Variants in SEC14L1 observed in about 807,000 individuals in gnomAD.
The protein encoded by SEC14L1 is SEC14 like lipid binding 1.
Under a neutral mutation model 85.3 loss-of-function variants are expected in SEC14L1, and 48 were observed. That is an observed-to-expected ratio of 0.56 (90% CI 0.45 to 0.72). The LOEUF (loss-of-function observed/expected upper bound fraction) is 0.72. SEC14L1 is among the 30% of genes least tolerant of loss of function. SEC14L1 has a pLI of 0.00. For missense variants in SEC14L1, 682 were observed against 921.4 expected, an observed-to-expected ratio of 0.74 and a Z score of 3.36; for synonymous variants, 391 against 355.5, an observed-to-expected ratio of 1.10 and a Z score of -1.12.
At chr17:77,195,909 CATT>C (rs1450282332) in intron 7 of SEC14L1, among the ~76,000 whole-genome samples, 1 of 152,008 alleles carries the variant, frequency 6.6e-6, no homozygotes, top group East Asian at 1.9e-4. Flanking sequence ...TTAAAACAGT[CATT>C]AATATCTATT....
At position 77,209,444 on chromosome 17, in the gene SEC14L1, T is replaced by A. The variant is rs1462569903; in HGVS notation, c.1579T>A (p.Ser527Thr). 38 of 1,614,058 alleles carry A rather than the reference T, an allele frequency of 2.4e-5. No homozygotes were observed. Among genetic ancestry groups the A allele is most frequent in the Non-Finnish European group, 3.2e-5 (38 of 1,180,032 alleles). ...GCTCTGGACTGAGACCATCTACCAG[T>A]CTGCAAGCGTCTTCAAAGGAGCCCC... ...LKLWTETIYQ[S>T]ASVFKGAPHE... is the part of the protein sequence containing the mutation. Residue 527 changes from serine (S) to threonine (T), a missense_variant, in exon 14 of 17, where the codon TCT (serine) becomes ACT (threonine). Physicochemically the swap from Ser to Thr is moderately conservative, Grantham distance 58. Transcript: ENST00000436233.
intron 3 of SEC14L1, among the ~76,000 whole-genome samples, chr17:77,096,055 C>A (rs868552300): frequency 1.6e-5 from 2 of 124,238 alleles, no homozygotes; most frequent in African/African-American, 3.0e-5. Context: ...TGCAGTCAGT[C>A]TTTTTTTTTT....
At chr17:77,105,380 C>CT (rs1330927760) in intron 3 of SEC14L1, among the ~76,000 whole-genome samples, 1 of 109,714 alleles carries the variant, frequency 9.1e-6, no homozygotes, top group Non-Finnish European at 1.8e-5. Context: ...ACCACCCCCC[C>CT]CCCCACCCCA....
intron 3 of SEC14L1, among the ~76,000 whole-genome samples, chr17:77,096,527 A>G (rs138645821): frequency 0.029 from 4,377 of 150,226 alleles, 73 homozygotes; most frequent in Non-Finnish European, 0.033. Context: ...ACTACACTCC[A>G]GCCTGGGTGA....
chr17:77,163,600 T>C (rs1974160780), intron 3 of SEC14L1, among the ~76,000 whole-genome samples: 1 of 152,372 alleles, frequency 6.6e-6, no homozygotes, highest in East Asian at 1.9e-4. Context: ...CTCAGACTTT[T>C]CTGAGCCTGT....
Position 77,124,985 on chromosome 17 carries a change from ATTATTATTATTATTT to A in SEC14L1, c.-135-17647_-135-17633del, listed in dbSNP as rs200723830. The stretch of plus-strand genomic sequence containing the variant: ...AATAAGTGGATTTACTATTATTATT[ATTATTATTATTATTT>A]TTATTATTATTATATATTTTTTGAG... On this transcript the variant is annotated intron_variant, in intron 3 of 19. Transcript: ENST00000392476. Among the ~76,000 whole-genome samples, 393 of 81,688 alleles carry A rather than the reference ATTATTATTATTATTT, an allele frequency of 4.8e-3. 1 individual carries two copies. The highest frequency in any genetic ancestry group is 0.022 in the South Asian group (63 of 2,816). 53.6% of individuals were successfully genotyped at this position (81,688 alleles called of 152,430 possible).
chr17:77,176,044 C>A (rs1303723558), intron 3 of SEC14L1, among the ~76,000 whole-genome samples: 1 of 152,080 alleles, frequency 6.6e-6, no homozygotes, highest in East Asian at 1.9e-4. Context: ...AATCCCAGCA[C>A]TTTGGGAGGC....
chr17:77,154,746 G>C (rs1327831565), intron 3 of SEC14L1, among the ~76,000 whole-genome samples: 1 of 151,544 alleles, frequency 6.6e-6, no homozygotes, highest in Non-Finnish European at 1.5e-5. Flanking sequence ...TTTCCATTCA[G>C]ACATCTGCCC....
At chr17:77,207,088 C>G (rs1254794) in intron 13 of SEC14L1, among the ~76,000 whole-genome samples, 54,565 of 152,058 alleles carry the variant, frequency 0.36, 10,033 homozygotes, top group South Asian at 0.43. Flanking sequence ...AATGAGAATT[C>G]GTAGAATCAA....
Position 77,215,417 on chromosome 17 carries a change from C to T in SEC14L1, c.*1394C>T, listed in dbSNP as rs922018195. ...ACCCCACGCGGCTGTCAACTGTGTG[C>T]GTGGTAGGCATGGAGATCCTGGTTG... On this transcript the variant is annotated 3_prime_UTR_variant, in exon 17 of 17. Transcript: ENST00000436233. 9 of 985,466 alleles carry T rather than the reference C, an allele frequency of 9.1e-6. No homozygotes were observed. Among genetic ancestry groups the T allele is most frequent in the African/African-American group, 1.7e-5 (1 of 57,306 alleles). The allele number at this position is 985,466 out of a possible 1,614,324, so 61.0% of individuals were successfully genotyped here.
At position 77,216,652 on chromosome 17, in the gene SEC14L1, C is replaced by T. The variant is rs192791483; in HGVS notation, c.*2629C>T. 5.0e-6 allele frequency: 8 copies of T among 1,607,426 alleles called. No homozygotes were observed. The highest frequency in any genetic ancestry group is 1.7e-5 in the Admixed American group (1 of 59,692). On this transcript the variant is annotated 3_prime_UTR_variant, in exon 17 of 17. Transcript: ENST00000436233. ...TTTGAATTGCAGCCATCCCCTGCCC[C>T]CTCCCAGGCTGAAGATCTGTTCTTT...
chr17:77,173,687 T>G (rs1255848767), intron 3 of SEC14L1, among the ~76,000 whole-genome samples: 4 of 152,236 alleles, frequency 2.6e-5, no homozygotes, highest in African/African-American at 9.6e-5. Flanking sequence ...GATAGTTTCC[T>G]TAGTCCAAAT....
At chr17:77,189,321 A>C (rs1975411874) in intron 3 of SEC14L1, among the ~76,000 whole-genome samples, 1 of 152,140 alleles carries the variant, frequency 6.6e-6, no homozygotes, top group African/African-American at 2.4e-5. Context: ...CTTCCTTACC[A>C]CGCTGGCCCA....
chr17:77,109,711 A>C (rs1972006928), intron 3 of SEC14L1, among the ~76,000 whole-genome samples: 1 of 152,144 alleles, frequency 6.6e-6, no homozygotes, highest in African/African-American at 2.4e-5. Context: ...TGCTTTCTGT[A>C]GCTTTTATTG....
intron 3 of SEC14L1, among the ~76,000 whole-genome samples, chr17:77,169,626 A>G (rs1253306229): frequency 1.3e-5 from 2 of 151,330 alleles, no homozygotes; most frequent in Non-Finnish European, 1.5e-5. Context: ...TACAGTGCCT[A>G]CTATAGTTTC....
chr17:77,197,645 A>G (rs994915432), intron 8 of SEC14L1, among the ~76,000 whole-genome samples: 1 of 151,846 alleles, frequency 6.6e-6, no homozygotes, highest in African/African-American at 2.4e-5. Flanking sequence ...ATGTATACAG[A>G]GTCTTGCTCC....
chr17:77,156,389 A>T (rs1429655396), intron 3 of SEC14L1, among the ~76,000 whole-genome samples: 1 of 152,146 alleles, frequency 6.6e-6, no homozygotes, highest in Non-Finnish European at 1.5e-5. Context: ...AGCCTGGCCA[A>T]CATAGTGAAA....
chr17:77,203,950 C>T (rs1254787), intron 10 of SEC14L1, among the ~76,000 whole-genome samples: 26,744 of 151,876 alleles, frequency 0.18, 2,796 homozygotes, highest in Non-Finnish European at 0.24. Flanking sequence ...TCTCTTGGGA[C>T]GCCACTCACA....
chr17:77,107,024 C>G (rs1302202283), intron 3 of SEC14L1, among the ~76,000 whole-genome samples: 1 of 152,210 alleles, frequency 6.6e-6, no homozygotes, highest in Non-Finnish European at 1.5e-5. Context: ...GTTCACACAT[C>G]CCCCATGGGG....
Sources: gnomAD v4.1 joint callset for allele counts (sites outside exome capture counted in the v4.1 genomes callset) on GRCh38, gnomAD v4.1.1 for gene constraint, MANE v1.5 for transcripts, NCBI Gene and HGNC (gene_info 2026-07-23, HGNC 2026-07-21) for gene names.